The following ROBO1 variants were observed in gnomAD, a reference collection of about 807,000 sequenced individuals.
The protein encoded by ROBO1 is roundabout homolog 1.
A neutral mutation model predicts 195.9 loss-of-function variants in ROBO1; 149 were observed. That is an observed-to-expected ratio of 0.76 (90% CI 0.67 to 0.87). The LOEUF is 0.87. Ranked by LOEUF, ROBO1 falls within the 40% of genes least tolerant of loss-of-function variation. The pLI, the probability that ROBO1 is intolerant of heterozygous loss-of-function variation, is 0.00. For missense variants in ROBO1, 1,933 were observed against 2,068.3 expected, an observed-to-expected ratio of 0.93 and a Z score of 1.27; for synonymous variants, 816 against 733.2, an observed-to-expected ratio of 1.11 and a Z score of -1.82.
intron 9 of ROBO1, among the ~76,000 whole-genome samples, chr3:78,686,589 A>T (rs2081058513): frequency 6.6e-6 from 1 of 152,080 alleles, no homozygotes; most frequent in Admixed American, 6.6e-5. Flanking sequence ...TCATTATGGT[A>T]AAAAATGTTG....
In ROBO1 at chr3:79,413,557, G is replaced by A. The variant is rs1483673403; in HGVS notation, c.88+176267C>T. ...CCATATGGGTTACAGATTCAGGATT[G>A]CTAGATGTTTCGATTTCAAGGAGAA... On this transcript the variant is annotated intron_variant, in intron 2 of 30. Coordinates refer to ENST00000464233, the MANE Select transcript of ROBO1 (RefSeq NM_002941.4). Among the ~76,000 whole-genome samples, 4 of 152,172 alleles carry A rather than the reference G, an allele frequency of 2.6e-5. No homozygotes were observed. In the South Asian group the frequency reaches 8.3e-4, roughly 32 times the overall value.
chr3:79,372,934 G>T (rs532433857), intron 2 of ROBO1, among the ~76,000 whole-genome samples: 1 of 151,644 alleles, frequency 6.6e-6, no homozygotes, highest in South Asian at 2.1e-4. Flanking sequence ...AGTTTCGGGG[G>T]TACATGCGCA....
chr3:78,732,159 G>C (rs1457280431), intron 5 of ROBO1, among the ~76,000 whole-genome samples: 1 of 152,058 alleles, frequency 6.6e-6, no homozygotes, highest in Non-Finnish European at 1.5e-5. Flanking sequence ...CTTCTATAGA[G>C]GGCTTTCTTT....
At chr3:79,540,998 CTTAT>C (rs1332945746) in intron 2 of ROBO1, among the ~76,000 whole-genome samples, 2 of 151,948 alleles carry the variant, frequency 1.3e-5, no homozygotes, top group African/African-American at 2.4e-5. Flanking sequence ...GAGATGAAGT[CTTAT>C]TTGAGTAAAT....
intron 2 of ROBO1, among the ~76,000 whole-genome samples, chr3:79,526,987 A>G (rs1941460010): frequency 6.6e-6 from 1 of 152,172 alleles, no homozygotes; most frequent in Non-Finnish European, 1.5e-5. Flanking sequence ...CAGATAAATC[A>G]TATTTTTTCT....
intron 5 of ROBO1, among the ~76,000 whole-genome samples, chr3:78,745,977 G>A (rs1327323742): frequency 3.3e-5 from 5 of 152,038 alleles, no homozygotes; most frequent in Non-Finnish European, 7.4e-5. Context: ...CTTGACCAGC[G>A]AATTCACAAT....
chr3:78,717,649 T>C (rs2081935152), intron 6 of ROBO1, 114 bp downstream of exon 6: 2 of 1,206,320 alleles, frequency 1.7e-6, no homozygotes, highest in Non-Finnish European at 2.3e-6. Context: ...CTCCTCTTTC[T>C]ACCCACCCCC....
rs181573281 is a variant in ROBO1 at position 78,881,439 on chromosome 3, A to T, written c.499+57162T>A. Among the ~76,000 whole-genome samples, 20 of 152,326 alleles carry T rather than the reference A, an allele frequency of 1.3e-4. No homozygotes were observed. The East Asian group carries it at 3.9e-3, about 29-fold the overall frequency. ...AGATATTTATATCTGGCACTAAAAAATTTGAAGAAAACAATAAAAATGCCA... is the reference window on the plus strand; with the variant it reads ...AGATATTTATATCTGGCACTAAAAATTTTGAAGAAAACAATAAAAATGCCA... On this transcript the variant is annotated intron_variant, in intron 4 of 30. Transcript: ENST00000464233.
At chr3:79,408,064 G>C (rs929667498) in intron 2 of ROBO1, among the ~76,000 whole-genome samples, 2 of 151,616 alleles carry the variant, frequency 1.3e-5, no homozygotes, top group Non-Finnish European at 2.9e-5. Flanking sequence ...TAAAAAAATT[G>C]GGTTAGCGAG....
At chr3:78,613,062 A>G (rs189075842) in intron 28 of ROBO1, among the ~76,000 whole-genome samples, 1 of 152,346 alleles carries the variant, frequency 6.6e-6, no homozygotes, top group East Asian at 1.9e-4. Context: ...GACAATAAAT[A>G]CAGACAATTT....
chr3:78,704,017 C>T (rs1316120309), intron 8 of ROBO1, among the ~76,000 whole-genome samples: 1 of 151,948 alleles, frequency 6.6e-6, no homozygotes, highest in Non-Finnish European at 1.5e-5. Flanking sequence ...CAAATAAAGC[C>T]TTGGGGGGGT....
At chr3:79,013,599 C>A (rs1000618325) in intron 3 of ROBO1, among the ~76,000 whole-genome samples, 20 of 152,090 alleles carry the variant, frequency 1.3e-4, no homozygotes, top group Admixed American at 1.3e-3. Flanking sequence ...TATTTAAATT[C>A]TTCATTTCTC....
At chr3:79,055,318 G>T (rs1458509060) in intron 3 of ROBO1, among the ~76,000 whole-genome samples, 6 of 152,102 alleles carry the variant, frequency 3.9e-5, no homozygotes, top group Non-Finnish European at 4.4e-5. Flanking sequence ...ATGGGCTCTG[G>T]TGGTGAAAAG....
chr3:78,781,172 GTATATATAAGT>G (rs1261654018), intron 4 of ROBO1, among the ~76,000 whole-genome samples: 1 of 152,078 alleles, frequency 6.6e-6, no homozygotes, highest in East Asian at 1.9e-4. Flanking sequence ...TCCTCTATTA[GTATATATAAGT>G]AAGCCAGAAC....
chr3:78,926,117 C>T (rs2039207197), intron 4 of ROBO1, among the ~76,000 whole-genome samples: 1 of 152,102 alleles, frequency 6.6e-6, no homozygotes, highest in Admixed American at 6.6e-5. Context: ...GATCCACCCG[C>T]CTCAGCCTCC....
intron 2 of ROBO1, among the ~76,000 whole-genome samples, chr3:79,246,519 A>G (rs1209768459): frequency 6.6e-6 from 1 of 152,114 alleles, no homozygotes; most frequent in Non-Finnish European, 1.5e-5. Flanking sequence ...ATGTGTTTCT[A>G]CTAATGACCT....
chr3:79,101,537 C>G (rs1176826181), intron 3 of ROBO1, among the ~76,000 whole-genome samples: 3 of 151,804 alleles, frequency 2.0e-5, no homozygotes, highest in South Asian at 4.1e-4. Context: ...GTTTCTCACC[C>G]TGGAGCTTCA....
chr3:79,162,551 T>G (rs1389963893), intron 2 of ROBO1, among the ~76,000 whole-genome samples: 1 of 152,138 alleles, frequency 6.6e-6, no homozygotes, highest in Non-Finnish European at 1.5e-5. Flanking sequence ...TAGCCAATCA[T>G]CTATCAATCC....
intron 10 of ROBO1, among the ~76,000 whole-genome samples, chr3:78,683,800 T>A (rs556637069): frequency 1.8e-4 from 28 of 151,678 alleles, no homozygotes; most frequent in African/African-American, 6.8e-4. Context: ...ATAAAAAAAA[T>A]TTGCATCACA....
Sources: gnomAD v4.1 joint callset for allele counts (sites outside exome capture counted in the v4.1 genomes callset) on GRCh38, gnomAD v4.1.1 for gene constraint, MANE v1.5 for transcripts, NCBI Gene and HGNC (gene_info 2026-07-23, HGNC 2026-07-21) for gene names.